The following ANK2 variants were observed in gnomAD, a reference collection of about 807,000 sequenced individuals.
The protein encoded by ANK2 is ankyrin 2.
Under a neutral mutation model 360.5 loss-of-function variants are expected in ANK2, and 83 were observed. The observed-to-expected ratio is 0.23, with a 90% CI of 0.19 to 0.28. ANK2 has a LOEUF of 0.28. Among genes scored for constraint, ANK2 ranks in the 10% least tolerant of loss-of-function variants. ANK2 has a pLI of 1.00. For synonymous variants in ANK2, 1,740 were observed against 1,759.5 expected, an observed-to-expected ratio of 0.99 and a Z score of 0.28; for missense variants, 4,201 against 4,795.7, an observed-to-expected ratio of 0.88 and a Z score of 3.66.
At chr4:113,269,591 TC>T (rs2057708293) in intron 14 of ANK2, among the ~76,000 whole-genome samples, 1 of 152,204 alleles carries the variant, frequency 6.6e-6, no homozygotes, top group Admixed American at 6.5e-5. Context: ...TGGCTTGCCC[TC>T]CATGGGCTGC....
the ANK2 span, chr4:112,797,093 C>T: frequency 4.9e-6 from 1 of 204,906 alleles, no homozygotes; most frequent in African/African-American, 2.3e-5. Flanking sequence ...TCTATCTGAT[C>T]CCAACGAATT....
At chr4:113,365,762 G>T (rs2096504702) in intron 41 of ANK2, among the ~76,000 whole-genome samples, 2 of 150,844 alleles carry the variant, frequency 1.3e-5, no homozygotes, top group African/African-American at 4.9e-5. Flanking sequence ...TTTATACCCA[G>T]CTGATGACCA....
intron 1 of ANK2, among the ~76,000 whole-genome samples, chr4:113,058,551 TG>T (rs1432672927): frequency 1.3e-5 from 2 of 152,186 alleles, no homozygotes; most frequent in African/African-American, 4.8e-5. Context: ...GTCAAGATTT[TG>T]GTCCTCTTTT....
chr4:112,723,462 C>T, the ANK2 span, among the ~76,000 whole-genome samples: 2 of 152,170 alleles, frequency 1.3e-5, no homozygotes, highest in African/African-American at 4.8e-5. Flanking sequence ...CTCCCGGGTT[C>T]AAGCAATTCT....
chr4:113,092,185 C>T (rs574302118), intron 1 of ANK2, among the ~76,000 whole-genome samples: 5 of 152,082 alleles, frequency 3.3e-5, no homozygotes, highest in Admixed American at 2.0e-4. Flanking sequence ...ATGAAAATTA[C>T]GGTGAGACTA....
chr4:113,253,785 C>T (rs1212886987), intron 10 of ANK2, among the ~76,000 whole-genome samples: 1 of 152,138 alleles, frequency 6.6e-6, no homozygotes, highest in East Asian at 1.9e-4. Context: ...GACTTCCCTT[C>T]TTTTGCATTC....
intron 8 of ANK2, 93 bp from the exon 9 acceptor site, chr4:113,242,018 G>A (rs997578947): frequency 1.0e-6 from 1 of 979,522 alleles, no homozygotes; most frequent in South Asian, 1.3e-5. Flanking sequence ...TTACCACGTA[G>A]GTCACAACTT....
At chr4:113,256,491 C>G (rs1038814831) in intron 11 of ANK2, among the ~76,000 whole-genome samples, 4 of 152,154 alleles carry the variant, frequency 2.6e-5, no homozygotes, top group African/African-American at 9.7e-5. Context: ...TTATATACAC[C>G]ATTTCAGGAA....
At position 113,310,424 on chromosome 4, in the gene ANK2, C is replaced by CT. The variant is rs566178913; in HGVS notation, c.2549-819dup. ...GGGAAAGAAAGAGTATATAAGCAGA[C>CT]TTTTTTTTTTTTAGATGAGTCTCAC... On this transcript the variant is annotated intron_variant, in intron 23 of 45. Coordinates refer to ENST00000357077, the MANE Select transcript of ANK2 (RefSeq NM_001148.6). Among the ~76,000 whole-genome samples the CT allele has an allele frequency of 1.9e-3, 276 of 144,616 alleles. 1 individual carries two copies. Among genetic ancestry groups the CT allele is most frequent in the East Asian group, 0.013 (66 of 4,966 alleles). The allele number at this position is 144,616 out of a possible 152,430, so 94.9% of individuals were successfully genotyped here. A position where few individuals can be genotyped will look rare whatever the true frequency, so the allele number is the denominator to read the frequency against.
At chr4:112,735,750 T>G in the ANK2 span, among the ~76,000 whole-genome samples, 1 of 152,176 alleles carries the variant, frequency 6.6e-6, no homozygotes, top group East Asian at 1.9e-4. Flanking sequence ...TTCAGTAGTA[T>G]TAGGTTTAAT....
chr4:112,788,164 G>A, the ANK2 span: 242 of 1,582,850 alleles, frequency 1.5e-4, no homozygotes, highest in African/African-American at 3.0e-3. Flanking sequence ...GACCCAGGAT[G>A]TTGCCACCCC....
intron 1 of ANK2, among the ~76,000 whole-genome samples, chr4:113,082,159 T>TATAGGTAATACTACTTACCAAATTAC (rs2082651774): frequency 6.6e-6 from 1 of 152,232 alleles, no homozygotes; most frequent in African/African-American, 2.4e-5. Flanking sequence ...TTTTACTGCA[T>TATAGGTAATACTACTTACCAAATTAC]ATAGGTAATA....
chr4:112,909,244 T>C (rs1036374711), intron 2 of ANK2, among the ~76,000 whole-genome samples: 1 of 152,242 alleles, frequency 6.6e-6, no homozygotes, highest in African/African-American at 2.4e-5. Flanking sequence ...CCTGAAGTGA[T>C]GGAATATTCA....
chr4:113,206,888 G>A (rs1262262007), intron 4 of ANK2, among the ~76,000 whole-genome samples: 4 of 152,158 alleles, frequency 2.6e-5, no homozygotes, highest in Non-Finnish European at 4.4e-5. Flanking sequence ...GCTGGGCTTG[G>A]TGGTGGGTGC....
chr4:112,802,846 T>A, the ANK2 span, among the ~76,000 whole-genome samples: 1 of 152,170 alleles, frequency 6.6e-6, no homozygotes, highest in Non-Finnish European at 1.5e-5. Flanking sequence ...CGAGGTGATA[T>A]GTTAGGAATC....
At chr4:113,305,563 C>T (rs998492975) in intron 23 of ANK2, among the ~76,000 whole-genome samples, 3 of 151,944 alleles carry the variant, frequency 2.0e-5, no homozygotes, top group African/African-American at 7.3e-5. Flanking sequence ...ATTTCTTTCC[C>T]CGAGGAAAAT....
intron 19 of ANK2, 52 bp downstream of exon 19, chr4:113,287,755 C>T (rs750677098): frequency 2.0e-6 from 3 of 1,480,986 alleles, no homozygotes; most frequent in Non-Finnish European, 2.8e-6. Flanking sequence ...GGATGATTCC[C>T]AGTAGCCCCC....
chr4:112,965,087 A>C (rs907870360), intron 2 of ANK2, among the ~76,000 whole-genome samples: 5 of 152,222 alleles, frequency 3.3e-5, no homozygotes, highest in African/African-American at 9.6e-5. Context: ...ACTATTTTCC[A>C]TAGTGATTAT....
intron 1 of ANK2, among the ~76,000 whole-genome samples, chr4:112,900,250 A>T (rs1423344055): frequency 6.6e-6 from 1 of 152,130 alleles, no homozygotes; most frequent in Non-Finnish European, 1.5e-5. Flanking sequence ...TAAGACATTT[A>T]AAAAAACCAT....
Sources: allele counts gnomAD v4.1 joint callset (sites outside exome capture counted in the v4.1 genomes callset), GRCh38; gene constraint gnomAD v4.1.1; transcripts MANE v1.5; gene names NCBI Gene and HGNC (gene_info 2026-07-23, HGNC 2026-07-21).